Variants in LOXHD1 observed in about 807,000 individuals in gnomAD.
LOXHD1 encodes the protein lipoxygenase homology domain-containing protein 1.
A neutral mutation model predicts 248.2 loss-of-function variants in LOXHD1; 205 were observed. The observed-to-expected ratio is 0.83, with a 90% CI of 0.74 to 0.93. The LOEUF is 0.93. Ranked by LOEUF, LOXHD1 falls within the 40% of genes least tolerant of loss-of-function variation. LOXHD1 has a pLI of 0.00. For synonymous variants in LOXHD1, 1,113 were observed against 1,162.8 expected (o/e 0.96, Z 0.87); for missense variants, 2,930 against 2,971.6 (o/e 0.99, Z 0.33).
chr18:46,594,815 T>C (rs892543072), intron 8 of LOXHD1, among the ~76,000 whole-genome samples: 1 of 152,206 alleles, frequency 6.6e-6, no homozygotes, highest in East Asian at 1.9e-4. Context: ...TATAATTATC[T>C]TGTAGGAAAA....
At chr18:46,572,372 GAGGGC>G (rs1308669995) in intron 14 of LOXHD1, among the ~76,000 whole-genome samples, 1 of 152,194 alleles carries the variant, frequency 6.6e-6, no homozygotes, top group Non-Finnish European at 1.5e-5. Flanking sequence ...AGATTGGAAG[GAGGGC>G]AGGGAACTCC....
intron 20 of LOXHD1, chr18:46,559,205 CTGTT>C: frequency 1.4e-6 from 2 of 1,475,514 alleles, no homozygotes; most frequent in Non-Finnish European, 1.8e-6. Flanking sequence ...ACGCCATTCT[CTGTT>C]TGTTCCTGTG....
intron 21 of LOXHD1, among the ~76,000 whole-genome samples, chr18:46,552,515 C>CTAGGA (rs545056080): frequency 1.1e-3 from 163 of 152,256 alleles, no homozygotes; most frequent in African/African-American, 3.7e-3. Flanking sequence ...GCTAGGAGGG[C>CTAGGA]TAGGAGTGGT....
intron 17 of LOXHD1, among the ~76,000 whole-genome samples, chr18:46,564,361 CA>C (rs2037594975): frequency 6.6e-6 from 1 of 151,906 alleles, no homozygotes; most frequent in Non-Finnish European, 1.5e-5. Context: ...CCCATCTCTA[CA>C]AAAATAAAAT....
intron 37 of LOXHD1, among the ~76,000 whole-genome samples, chr18:46,493,794 A>T (rs1400087323): frequency 6.6e-6 from 1 of 152,228 alleles, no homozygotes; most frequent in African/African-American, 2.4e-5. Flanking sequence ...TTAACATGCC[A>T]TCTCTGCCTG....
rs2144222115 is a variant in LOXHD1 at position 46,529,336 on chromosome 18, G to A, written c.4376-5C>T. 6.5e-7 allele frequency: 1 copy of A among 1,533,860 alleles called. No homozygotes were observed. Among genetic ancestry groups the A allele is most frequent in the Non-Finnish European group, 8.8e-7 (1 of 1,134,282 alleles). On this transcript the variant is annotated splice_region_variant and splice_polypyrimidine_tract_variant and intron_variant, in intron 28 of 40. Transcript: ENST00000642948. The stretch of plus-strand genomic sequence containing the variant: ...TCTGCACCGAGTACAGCACAACTGG[G>A]CAGGTGGTGGGACAGACAGACAGAC...
chr18:46,579,508 C>G, intron 13 of LOXHD1, 122 bp downstream of exon 13: 1 of 1,310,098 alleles, frequency 7.6e-7, no homozygotes, highest in Non-Finnish European at 1.1e-6. Flanking sequence ...CAGAGTGAGG[C>G]TCCTGATGGC....
chr18:46,550,579 CAAAAAAAA>C (rs754046200), intron 21 of LOXHD1, among the ~76,000 whole-genome samples: 1 of 45,468 alleles, frequency 2.2e-5, no homozygotes, highest in East Asian at 6.9e-4. Flanking sequence ...GACTCCGTCT[CAAAAAAAA>C]AAAAAAAAAA....
intron 21 of LOXHD1, among the ~76,000 whole-genome samples, chr18:46,556,978 C>G (rs2037365485): frequency 6.6e-6 from 1 of 151,396 alleles, no homozygotes. Flanking sequence ...CACCCTCATA[C>G]TCACCCACTC....
intron 31 of LOXHD1, 67 bp from the exon 32 acceptor site, chr18:46,522,376 A>G: frequency 7.3e-7 from 1 of 1,361,310 alleles, no homozygotes. Flanking sequence ...TCATAGACTC[A>G]CAGATTTGGA....
chr18:46,599,788 T>G (rs1221702823), intron 8 of LOXHD1, among the ~76,000 whole-genome samples: 5 of 152,000 alleles, frequency 3.3e-5, no homozygotes, highest in Non-Finnish European at 5.9e-5. Flanking sequence ...AAAAGAAACA[T>G]GAATGGCCAA....
intron 21 of LOXHD1, among the ~76,000 whole-genome samples, chr18:46,550,286 C>T (rs534248218): frequency 2.6e-5 from 4 of 152,220 alleles, no homozygotes; most frequent in Admixed American, 6.5e-5. Flanking sequence ...TAAGAGTCAG[C>T]GTGTGGGCCG....
intron 6 of LOXHD1, among the ~76,000 whole-genome samples, chr18:46,609,707 G>A (rs1402826141): frequency 6.6e-6 from 1 of 152,082 alleles, no homozygotes; most frequent in Non-Finnish European, 1.5e-5. Context: ...TATCTTCTCT[G>A]ACTTCCCCTT....
chr18:46,517,987 G>T, intron 34 of LOXHD1, 142 bp downstream of exon 34: 2 of 1,048,028 alleles, frequency 1.9e-6, no homozygotes, highest in Non-Finnish European at 2.8e-6. Flanking sequence ...AAGGTACTGA[G>T]ACAGAATAGA....
At chr18:46,542,200 GGGGAGGCTGAGGT>G (rs2036590255) in intron 24 of LOXHD1, among the ~76,000 whole-genome samples, 1 of 152,174 alleles carries the variant, frequency 6.6e-6, no homozygotes, top group African/African-American at 2.4e-5. Context: ...AGGAGAGTAG[GGGGAGGCTGAGGT>G]GGGAGGGCAC....
chr18:46,547,114 G>A lies in LOXHD1; in HGVS notation c.3351-56C>T, dbSNP rs914368389. The A allele has an allele frequency of 1.4e-5, 22 of 1,546,034 alleles. No individual in the cohort carries two copies. The Admixed American group carries it at 2.2e-4, about 15-fold the overall frequency. ...GTCCTCTTAGAAAGGTCTCGTCCAG[G>A]AGCAGTCATGGGCTGAGAATGAGAG... On this transcript the variant is annotated intron_variant, in intron 21 of 40. Coordinates refer to ENST00000642948, the MANE Select transcript of LOXHD1 (RefSeq NM_001384474.1).
rs894408764 is a variant in LOXHD1, at chr18:46,483,650, G to C, written c.6278C>G (p.Pro2093Arg). 6.4e-7 allele frequency: 1 copy of C among 1,551,650 alleles called. No homozygotes were observed. Among genetic ancestry groups the C allele is most frequent in the Non-Finnish European group, 8.7e-7 (1 of 1,146,978 alleles). Residue 2093 changes from proline (P) to arginine (R), a missense_variant, in exon 40 of 41, where the codon CCC (proline) becomes CGC (arginine). Transcript: ENST00000642948. Reference sequence around the variant, plus strand: ...GACATGCCAGGCAAGTTCTCTCTTGGGGATAAACCGGTCTTCCCTGGCAAG... The same window carrying C: ...GACATGCCAGGCAAGTTCTCTCTTGCGGATAAACCGGTCTTCCCTGGCAAG... ...GHLAREDRFIPKRELAWHVKT... is the reference protein window; with the variant it reads ...GHLAREDRFIRKRELAWHVKT...
chr18:46,534,297 A>T (rs2036208979), intron 27 of LOXHD1, 38 bp downstream of exon 27: 2 of 1,460,578 alleles, frequency 1.4e-6, no homozygotes, highest in Admixed American at 3.9e-5. Context: ...CTGGAAAGGG[A>T]CAAAAGAAAC....
chr18:46,657,198 G>A lies in LOXHD1; in HGVS notation c.-165C>T. 8.8e-7 allele frequency: 1 copy of A among 1,140,340 alleles called. No homozygotes were observed. Among genetic ancestry groups the A allele is most frequent in the Non-Finnish European group, 1.2e-6 (1 of 817,078 alleles). 70.6% of individuals were successfully genotyped at this position (1,140,340 alleles called of 1,614,324 possible). On this transcript the variant is annotated 5_prime_UTR_variant, in exon 1 of 41. Transcript: ENST00000642948. Reference sequence around the variant, plus strand: ...TTTTCTTGGCTTCCCCGTGCCCAAGGTGCTGTTCCCTCTGCCTTCTCTGGC... The same window carrying A: ...TTTTCTTGGCTTCCCCGTGCCCAAGATGCTGTTCCCTCTGCCTTCTCTGGC...
Sources: allele counts gnomAD v4.1 joint callset (sites outside exome capture counted in the v4.1 genomes callset), GRCh38; gene constraint gnomAD v4.1.1; transcripts MANE v1.5; gene names NCBI Gene and HGNC (gene_info 2026-07-23, HGNC 2026-07-21).